CERKL: variants seen among roughly 807,000 people sequenced by gnomAD.
The protein encoded by CERKL is ceramide kinase-like protein.
Under a neutral mutation model 63.4 loss-of-function variants are expected in CERKL, and 61 were observed. The ratio of observed to expected loss-of-function variants is 0.96; its 90% CI spans 0.78 to 1.19. The LOEUF (loss-of-function observed/expected upper bound fraction) is 1.19. Among genes scored for constraint, CERKL ranks in the 50% most tolerant of loss-of-function variants. The pLI is 0.00. For missense variants in CERKL, 675 were observed against 655.5 expected, an observed-to-expected ratio of 1.03 and a Z score of -0.33; for synonymous variants, 250 against 230.5, an observed-to-expected ratio of 1.08 and a Z score of -0.77.
chr2:181,578,267 T>C (rs550065302), intron 2 of CERKL, among the ~76,000 whole-genome samples: 2 of 151,844 alleles, frequency 1.3e-5, no homozygotes, highest in Non-Finnish European at 2.9e-5. Flanking sequence ...TGGGGGGGTA[T>C]GTGTATGTGT....
At chr2:181,605,269 G>A (rs902686473) in intron 1 of CERKL, among the ~76,000 whole-genome samples, 1 of 152,196 alleles carries the variant, frequency 6.6e-6, no homozygotes, top group Non-Finnish European at 1.5e-5. Flanking sequence ...GGTTCAGGAA[G>A]GCTAAGGGGA....
chr2:181,566,072 G>A lies in CERKL; in HGVS notation c.663C>T (p.Leu221=). Residue 221 remains leucine, a synonymous_variant, in exon 4 of 13, where the codon CTC becomes CTT. Coordinates refer to ENST00000410087, the MANE Select transcript of CERKL (RefSeq NM_201548.5). The part of the protein sequence containing the change: ...HALSLLKECE[L]QGFDGVVCVG... ...ATATAACCTACCCATCAAATCCCTG[G>A]AGTTCACATTCCTTAAGCAGTGACA... 1 of 1,606,958 alleles carries A rather than the reference G, an allele frequency of 6.2e-7. No homozygotes were observed. Among genetic ancestry groups the A allele is most frequent in the Non-Finnish European group, 8.5e-7 (1 of 1,174,188 alleles).
intron 1 of CERKL, among the ~76,000 whole-genome samples, chr2:181,628,740 T>G (rs1178972683): frequency 2.0e-5 from 3 of 152,224 alleles, no homozygotes; most frequent in African/African-American, 7.2e-5. Context: ...ATGCATGCAG[T>G]TACCACCTAC....
chr2:181,551,613 C>A (rs1687991523), intron 5 of CERKL, among the ~76,000 whole-genome samples: 1 of 151,892 alleles, frequency 6.6e-6, no homozygotes, highest in African/African-American at 2.4e-5. Context: ...CACACTCACA[C>A]CAGTCAGAAT....
chr2:181,537,779 G>A lies in CERKL; in HGVS notation c.*405C>T, dbSNP rs1288681938. Reference sequence around the variant, plus strand: ...GAATTGATATCTAAAAACAGAATTTGAATTGATATTTCATCTTGACTTTTA... The same window carrying A: ...GAATTGATATCTAAAAACAGAATTTAAATTGATATTTCATCTTGACTTTTA... On this transcript the variant is annotated 3_prime_UTR_variant, in exon 13 of 13. Transcript: ENST00000410087. 2.2e-6 allele frequency: 1 copy of A among 454,460 alleles called. No homozygotes were observed. Among genetic ancestry groups the A allele is most frequent in the Non-Finnish European group, 4.4e-6 (1 of 228,936 alleles). 28.2% of individuals were successfully genotyped at this position (454,460 alleles called of 1,614,324 possible).
At chr2:181,539,037 A>G in intron 12 of CERKL, 55 bp downstream of exon 12, 1 of 1,255,350 alleles carries the variant, frequency 8.0e-7, no homozygotes, top group South Asian at 1.2e-5. Context: ...CTTTCGTTGT[A>G]ATATTAGATT....
Position 181,548,706 on chromosome 2 carries a change from A to T in CERKL, c.1047T>A (p.Ala349=), listed in dbSNP as rs1022558791. ...WMSPNQRRDF[A]VVKALAKLKA... is the part of the protein sequence containing the mutation. ...TAAGTTTTGCCAGTGCCTTAACAACAGCAAAATCTCTCCGTTGGTTAGGGG... is the reference window on the plus strand; with the variant it reads ...TAAGTTTTGCCAGTGCCTTAACAACTGCAAAATCTCTCCGTTGGTTAGGGG... The change falls in exon 7 of 13, where the codon GCT becomes GCA. Residue 349 remains alanine, a synonymous_variant. Transcript: ENST00000410087. 6.2e-7 allele frequency: 1 copy of T among 1,613,908 alleles called. No individual in the cohort carries two copies. Among genetic ancestry groups the T allele is most frequent in the African/African-American group, 1.3e-5 (1 of 74,922 alleles).
chr2:181,585,732 C>G (rs1223797685), intron 2 of CERKL, among the ~76,000 whole-genome samples: 1 of 151,948 alleles, frequency 6.6e-6, no homozygotes, highest in Non-Finnish European at 1.5e-5. Flanking sequence ...TAAATTAAAA[C>G]TCTAAATTAA....
rs556195371 is a variant in CERKL, at chr2:181,551,045, A to C, written c.821-1337T>G. 7.4e-4 allele frequency among the ~76,000 whole-genome samples: 112 copies of C among 152,174 alleles called. 2 individuals are homozygous for C. The highest frequency in any genetic ancestry group is 8.8e-4 in the Non-Finnish European group (60 of 68,030). On this transcript the variant is annotated intron_variant, in intron 5 of 12. Coordinates refer to ENST00000410087, the MANE Select transcript of CERKL (RefSeq NM_201548.5). The stretch of plus-strand genomic sequence containing the variant: ...AGAAACAATGTCTTGTTCCTCAAGA[A>C]GACAATAATACCCATTCTCACCACT...
In CERKL at chr2:181,548,802, G is replaced by A; in HGVS notation, c.951C>T (p.Arg317=). ...AGCCAAACATGGCTGAGAACCCAAA[G>A]CGAAGAAGCTTGCCAGCGGTGCTGA... is the stretch of plus-strand genomic sequence containing the variant. The part of the protein sequence containing the change: ...CTFSTAGKLL[R]FGFSAMFGFG... Residue 317 remains arginine (R), a synonymous_variant, in exon 7 of 13, where the codon CGC becomes CGT. Coordinates refer to ENST00000410087, the MANE Select transcript of CERKL (RefSeq NM_201548.5). 1 of 1,614,066 alleles carries A rather than the reference G, an allele frequency of 6.2e-7. No individual in the cohort carries two copies. The highest frequency in any genetic ancestry group is 8.5e-7 in the Non-Finnish European group (1 of 1,179,966).
At chr2:181,548,937 T>C (rs1016846315) in intron 6 of CERKL, 80 bp from the exon 7 acceptor site, 2 of 1,307,896 alleles carry the variant, frequency 1.5e-6, no homozygotes, top group African/African-American at 2.9e-5. Flanking sequence ...AGCATATTTA[T>C]TGGCTTATAG....
At chr2:181,557,182 C>T (rs775885215) in intron 5 of CERKL, among the ~76,000 whole-genome samples, 3 of 152,104 alleles carry the variant, frequency 2.0e-5, no homozygotes, top group Non-Finnish European at 4.4e-5. Context: ...TTCTCCCTTT[C>T]TGTAGGTTGC....
At chr2:181,567,719 A>C (rs890747239) in intron 3 of CERKL, among the ~76,000 whole-genome samples, 1 of 152,180 alleles carries the variant, frequency 6.6e-6, no homozygotes, top group Non-Finnish European at 1.5e-5. Flanking sequence ...TAGACAATAT[A>C]TGCTAATGAA....
chr2:181,592,206 C>G (rs1331072058), intron 2 of CERKL, among the ~76,000 whole-genome samples: 1 of 152,158 alleles, frequency 6.6e-6, no homozygotes, highest in Non-Finnish European at 1.5e-5. Context: ...CTCTTTCTCT[C>G]TCTTGACTCA....
At position 181,622,046 on chromosome 2, in the gene CERKL, T is replaced by C. The variant is rs139552606; in HGVS notation, c.239-17967A>G. Among the ~76,000 whole-genome samples the C allele has an allele frequency of 2.6e-5, 4 of 152,284 alleles. No homozygotes were observed. The East Asian group carries it at 7.7e-4, about 29-fold the overall frequency. ...ATTATAAAGGACAGAGTCAAAAATATCATTTATATAGATAGCAAGAGGTGA... is the reference window on the plus strand; with the variant it reads ...ATTATAAAGGACAGAGTCAAAAATACCATTTATATAGATAGCAAGAGGTGA... On this transcript the variant is annotated intron_variant, in intron 1 of 12. Transcript: ENST00000410087.
intron 1 of CERKL, among the ~76,000 whole-genome samples, chr2:181,607,538 A>C (rs1346461418): frequency 6.6e-6 from 1 of 152,216 alleles, no homozygotes; most frequent in Non-Finnish European, 1.5e-5. Flanking sequence ...AAGGAAGAAT[A>C]TATTAGAAAC....
chr2:181,584,672 T>G lies in CERKL; in HGVS notation c.482-10788A>C, dbSNP rs922637359. On this transcript the variant is annotated intron_variant, in intron 2 of 12. Coordinates refer to ENST00000410087, the MANE Select transcript of CERKL (RefSeq NM_201548.5). ...CCATCTTTTGCCTGGATTAATCCAT[T>G]TTTCATTTAACCTGTCTCCTGCTTG... 1.6e-4 allele frequency among the ~76,000 whole-genome samples: 24 copies of G among 151,930 alleles called. No homozygotes were observed. In the South Asian group the frequency reaches 4.8e-3, roughly 30 times the overall value.
At chr2:181,610,962 G>A (rs778123505) in intron 1 of CERKL, among the ~76,000 whole-genome samples, 7 of 151,950 alleles carry the variant, frequency 4.6e-5, no homozygotes, top group Admixed American at 2.0e-4. Flanking sequence ...GGTGGCTCAC[G>A]GCCTGTAATC....
chr2:181,557,052 G>A (rs1688242856), intron 5 of CERKL, among the ~76,000 whole-genome samples: 1 of 152,192 alleles, frequency 6.6e-6, no homozygotes, highest in African/African-American at 2.4e-5. Flanking sequence ...CTTTTGAGAA[G>A]TGTCTGTTCA....
Sources: gnomAD v4.1 joint callset for allele counts (sites outside exome capture counted in the v4.1 genomes callset) on GRCh38, gnomAD v4.1.1 for gene constraint, MANE v1.5 for transcripts, NCBI Gene and HGNC (gene_info 2026-07-23, HGNC 2026-07-21) for gene names.